The following DISC1 variants were observed in gnomAD, a reference collection of about 807,000 sequenced individuals.
DISC1 encodes the protein DISC1 scaffold protein, also known as disrupted in schizophrenia 1 protein.
Under a neutral mutation model 84.5 loss-of-function variants are expected in DISC1, and 57 were observed. The ratio of observed to expected loss-of-function variants is 0.67; its 90% confidence interval spans 0.55 to 0.84. The LOEUF (loss-of-function observed/expected upper bound fraction) is 0.84, where lower values mean the gene tolerates loss of function less well. DISC1 is among the 40% of genes least tolerant of loss of function. DISC1 has a pLI of 0.00. For missense variants in DISC1, 1,000 were observed against 1,057.8 expected (o/e 0.95, Z 0.76); for synonymous variants, 411 against 415.2 (o/e 0.99, Z 0.12).
chr1:231,680,732 C>G (rs1032127815), intron 1 of DISC1, among the ~76,000 whole-genome samples: 1 of 152,186 alleles, frequency 6.6e-6, no homozygotes, highest in African/African-American at 2.4e-5. Flanking sequence ...GCTCCAGCTT[C>G]CAGTGTGCTG....
At chr1:231,985,152 C>G (rs1359715460) in intron 10 of DISC1, among the ~76,000 whole-genome samples, 1 of 151,872 alleles carries the variant, frequency 6.6e-6, no homozygotes, top group Admixed American at 6.5e-5. Flanking sequence ...GAAACCCCAT[C>G]TCTACTAAAA....
At chr1:231,809,878 ATTAAT>A (rs530682798) in intron 8 of DISC1, among the ~76,000 whole-genome samples, 7 of 152,338 alleles carry the variant, frequency 4.6e-5, no homozygotes, top group African/African-American at 1.7e-4. Context: ...TTCTTGCATA[ATTAAT>A]TTAAAGGAAA....
intron 5 of DISC1, 101 bp downstream of exon 5, chr1:231,767,370 A>G (rs1259194530): frequency 4.6e-6 from 7 of 1,506,746 alleles, no homozygotes; most frequent in South Asian, 1.2e-5. Context: ...TGGTGCAATC[A>G]TAGCTCATTG....
chr1:231,818,811 T>C lies in DISC1; in HGVS notation c.1981+294T>C, dbSNP rs1196347977. The C allele has an allele frequency of 3.3e-6, 4 of 1,200,614 alleles. No homozygotes were observed. The East Asian group carries it at 1.8e-4, about 55-fold the overall frequency. The allele number at this position is 1,200,614 out of a possible 1,614,324, so 74.4% of individuals were successfully genotyped here. ...TAGAGCAGTCTCTCCCTTGGCAAGGTCTTGAGCATTTTCTTTGTGTGACAA... is the reference window on the plus strand; with the variant it reads ...TAGAGCAGTCTCTCCCTTGGCAAGGCCTTGAGCATTTTCTTTGTGTGACAA... On this transcript the variant is annotated intron_variant, in intron 9 of 12. Coordinates refer to ENST00000439617, the MANE Select transcript of DISC1 (RefSeq NM_018662.3).
intron 1 of DISC1, among the ~76,000 whole-genome samples, chr1:231,646,161 A>G (rs1271997577): frequency 6.6e-6 from 1 of 150,860 alleles, no homozygotes; most frequent in Non-Finnish European, 1.5e-5. Flanking sequence ...CACTCCCCCC[A>G]TGCCACAACA....
At chr1:231,960,870 C>A (rs1467887451) in intron 10 of DISC1, among the ~76,000 whole-genome samples, 2 of 152,222 alleles carry the variant, frequency 1.3e-5, no homozygotes, top group Non-Finnish European at 2.9e-5. Context: ...TCTGACCAAC[C>A]AACTAGAAAT....
chr1:231,725,310 G>A (rs1558430187), intron 3 of DISC1, among the ~76,000 whole-genome samples: 2 of 152,224 alleles, frequency 1.3e-5, no homozygotes, highest in African/African-American at 2.4e-5. Context: ...AACAGGATCT[G>A]GTCCAGACAG....
chr1:231,757,569 A>G (rs1269392692), intron 4 of DISC1, among the ~76,000 whole-genome samples: 2 of 151,744 alleles, frequency 1.3e-5, no homozygotes, highest in African/African-American at 4.9e-5. Flanking sequence ...TTCAGGGGTT[A>G]ACTAGGTTCC....
intron 9 of DISC1, among the ~76,000 whole-genome samples, chr1:231,882,599 A>G (rs1014484359): frequency 5.3e-5 from 8 of 152,200 alleles, no homozygotes; most frequent in African/African-American, 1.9e-4. Flanking sequence ...ATGTTGCATC[A>G]TGCTACTGTA....
At chr1:232,007,842 C>A (rs969758515) in intron 10 of DISC1, among the ~76,000 whole-genome samples, 2 of 152,134 alleles carry the variant, frequency 1.3e-5, no homozygotes, top group African/African-American at 4.8e-5. Context: ...TCCCCATAAT[C>A]CCCAAATGTT....
chr1:231,633,684 C>T (rs1456361535), intron 1 of DISC1, among the ~76,000 whole-genome samples: 1 of 152,094 alleles, frequency 6.6e-6, no homozygotes, highest in Non-Finnish European at 1.5e-5. Flanking sequence ...CAATTATGTT[C>T]GCCCAGATGA....
At position 231,746,955 on chromosome 1, in the gene DISC1, G is replaced by T. The variant is rs373413652; in HGVS notation, c.1118-2971G>T. On this transcript the variant is annotated intron_variant, in intron 3 of 12. Coordinates refer to ENST00000439617, the MANE Select transcript of DISC1 (RefSeq NM_018662.3). ...ATATCTTTTATTTTTTTGAGAAAGG[G>T]TCTCACTCTATTCCCCAGACTAGAA... Among the ~76,000 whole-genome samples, 20 of 152,102 alleles carry T rather than the reference G, an allele frequency of 1.3e-4. No individual in the cohort carries two copies. The South Asian group carries it at 4.2e-3, about 32-fold the overall frequency.
At chr1:231,661,634 T>C (rs2061570946) in intron 1 of DISC1, among the ~76,000 whole-genome samples, 1 of 152,220 alleles carries the variant, frequency 6.6e-6, no homozygotes, top group Non-Finnish European at 1.5e-5. Context: ...ATTCTGGCTA[T>C]CAGCTTCTGT....
intron 3 of DISC1, chr1:231,723,123 C>T: frequency 2.1e-6 from 2 of 967,870 alleles, no homozygotes; most frequent in East Asian, 1.0e-4. Context: ...GTACTCAAGT[C>T]TTGTTTTCAG....
At chr1:231,841,534 T>C (rs2083069743) in intron 9 of DISC1, among the ~76,000 whole-genome samples, 1 of 152,266 alleles carries the variant, frequency 6.6e-6, no homozygotes, top group East Asian at 1.9e-4. Context: ...GTGCAACTTT[T>C]ACAAATGTGC....
In DISC1 at chr1:231,698,690, C is replaced by G. The variant is rs1324933502; in HGVS notation, c.1048-3265C>G. Among the ~76,000 whole-genome samples the G allele has an allele frequency of 2.6e-5, 4 of 152,240 alleles. No homozygotes were observed. The East Asian group carries it at 5.8e-4, about 22-fold the overall frequency. Reference sequence around the variant, plus strand: ...ATGAATTTTTTTCCTGACCTTGTTTCCTGCATTTCTTCAGCTTCTGTTCTA... The same window carrying G: ...ATGAATTTTTTTCCTGACCTTGTTTGCTGCATTTCTTCAGCTTCTGTTCTA... On this transcript the variant is annotated intron_variant, in intron 2 of 12. Transcript: ENST00000439617. The surrounding 1 kb of genome is among the most constrained non-coding windows in gnomAD (Gnocchi z 4.9).
intron 10 of DISC1, 91 bp downstream of exon 10, chr1:231,958,979 G>A (rs1399875420): frequency 3.3e-6 from 5 of 1,495,382 alleles, no homozygotes; most frequent in Non-Finnish European, 4.4e-6. Context: ...AAAAAGGCTG[G>A]CCAGTTTCTC....
intron 3 of DISC1, chr1:231,702,565 C>T: frequency 1.0e-6 from 1 of 985,104 alleles, no homozygotes; most frequent in African/African-American, 1.8e-5. Flanking sequence ...CATACATGGC[C>T]TAAAATACCC....
intron 3 of DISC1, among the ~76,000 whole-genome samples, chr1:231,711,242 G>A (rs957249384): frequency 1.3e-5 from 2 of 151,122 alleles, no homozygotes; most frequent in Admixed American, 1.3e-4. Flanking sequence ...CCACCAAGGA[G>A]TATACAGCCT....
Sources: gnomAD v4.1 joint callset for allele counts (sites outside exome capture counted in the v4.1 genomes callset) on GRCh38, gnomAD v4.1.1 for gene constraint, Gnocchi (gnomAD v3.1) non-coding constraint, MANE v1.5 for transcripts, NCBI Gene and HGNC (gene_info 2026-07-23, HGNC 2026-07-21) for gene names.